Variants in DCLK1 observed in about 807,000 individuals in gnomAD.
The protein encoded by DCLK1 is serine/threonine-protein kinase DCLK1.
In DCLK1, 16 loss-of-function variants were observed where a neutral mutation model predicts 86.2. The ratio of observed to expected loss-of-function variants is 0.19; its 90% CI spans 0.13 to 0.28. DCLK1 has a LOEUF of 0.28. Ranked by LOEUF, DCLK1 falls within the 10% of genes least tolerant of loss-of-function variation. The pLI, the probability that DCLK1 is intolerant of heterozygous loss-of-function variation, is 1.00. For missense variants in DCLK1, 590 were observed against 940.2 expected, an observed-to-expected ratio of 0.63 and a Z score of 4.87; for synonymous variants, 369 against 370.5, an observed-to-expected ratio of 1.00 and a Z score of 0.05.
chr13:35,811,239 G>A (rs1255687244), intron 11 of DCLK1, among the ~76,000 whole-genome samples: 1 of 151,770 alleles, frequency 6.6e-6, no homozygotes, highest in South Asian at 2.1e-4. Flanking sequence ...TTAAAATGGC[G>A]ATACAGGTTT....
At chr13:36,070,391 T>C (rs1883927442) in intron 3 of DCLK1, among the ~76,000 whole-genome samples, 1 of 152,188 alleles carries the variant, frequency 6.6e-6, no homozygotes, top group South Asian at 2.1e-4. Context: ...ACTTCGCTAT[T>C]CTACCTCTGT....
chr13:35,911,415 C>A (rs745956217), intron 4 of DCLK1, among the ~76,000 whole-genome samples: 1 of 152,136 alleles, frequency 6.6e-6, no homozygotes, highest in Non-Finnish European at 1.5e-5. Flanking sequence ...GTCTGCCCAC[C>A]ACCACAGGAC....
At chr13:35,850,465 G>A in intron 6 of DCLK1, 10 of 1,154,770 alleles carry the variant, frequency 8.7e-6, no homozygotes, top group Non-Finnish European at 1.1e-5. Context: ...GCCAGGCCCT[G>A]TACAAAAATC....
At chr13:35,917,573 G>A (rs1378283827) in intron 4 of DCLK1, among the ~76,000 whole-genome samples, 1 of 152,162 alleles carries the variant, frequency 6.6e-6, no homozygotes, top group African/African-American at 2.4e-5. Context: ...AAAAGAAAAA[G>A]AGAAAGCATG....
At chr13:35,892,058 G>A (rs1054561162) in intron 4 of DCLK1, among the ~76,000 whole-genome samples, 1 of 152,082 alleles carries the variant, frequency 6.6e-6, no homozygotes, top group Non-Finnish European at 1.5e-5. Context: ...TTATCTTGGT[G>A]GGTACCAGCT....
chr13:35,795,060 G>C (rs1000476845), intron 15 of DCLK1, among the ~76,000 whole-genome samples: 2 of 152,314 alleles, frequency 1.3e-5, no homozygotes, highest in South Asian at 4.1e-4. Flanking sequence ...CTGTTACAAG[G>C]CTGCATGGCT....
intron 6 of DCLK1, among the ~76,000 whole-genome samples, chr13:35,841,910 C>T (rs1869824072): frequency 6.6e-6 from 1 of 152,070 alleles, no homozygotes; most frequent in Middle Eastern, 3.4e-3. Context: ...CCTATTCTGC[C>T]CCACTTCCAT....
At chr13:36,014,076 TGC>T in intron 3 of DCLK1, among the ~76,000 whole-genome samples, 1 of 152,272 alleles carries the variant, frequency 6.6e-6, no homozygotes, top group Non-Finnish European at 1.5e-5. Flanking sequence ...TCGCGCACGG[TGC>T]GCGCACCCAC....
intron 3 of DCLK1, among the ~76,000 whole-genome samples, chr13:35,999,271 T>A (rs1056723577): frequency 9.2e-5 from 14 of 151,502 alleles, no homozygotes; most frequent in Admixed American, 8.6e-4. Context: ...AAAAAAAAAA[T>A]TCCCAAATAA....
At chr13:35,966,609 A>C (rs1303211009) in intron 3 of DCLK1, among the ~76,000 whole-genome samples, 2 of 149,460 alleles carry the variant, frequency 1.3e-5, no homozygotes, top group African/African-American at 4.9e-5. Context: ...TCCCTGCCTG[A>C]TTCTCCTGCC....
chr13:35,975,552 C>G (rs972410435), intron 3 of DCLK1, among the ~76,000 whole-genome samples: 1 of 151,960 alleles, frequency 6.6e-6, no homozygotes, highest in African/African-American at 2.4e-5. Flanking sequence ...CACCCCACCC[C>G]CACCCCACTT....
chr13:35,865,790 C>T (rs1871746038), intron 5 of DCLK1, among the ~76,000 whole-genome samples: 1 of 152,176 alleles, frequency 6.6e-6, no homozygotes, highest in Admixed American at 6.5e-5. Flanking sequence ...GGAAGACTTA[C>T]AGAGGATTCC....
intron 3 of DCLK1, among the ~76,000 whole-genome samples, chr13:36,036,809 C>T (rs2153154348): frequency 6.6e-6 from 1 of 152,176 alleles, no homozygotes; most frequent in Non-Finnish European, 1.5e-5. Context: ...ACAGCATTAT[C>T]TCTATCCTTA....
Position 35,772,651 on chromosome 13 carries a change from C to T in DCLK1, c.*1884G>A, listed in dbSNP as rs1236264507. ...TACTTTGTGATTTTGCGTGTTATCA[C>T]TTCCGGATGCTCTAAAAGGGGGGGA... is the stretch of plus-strand genomic sequence containing the variant. On this transcript the variant is annotated 3_prime_UTR_variant, in exon 17 of 17. Coordinates refer to ENST00000360631, the MANE Select transcript of DCLK1 (RefSeq NM_001330071.2). 1 of 147,914 alleles carries T rather than the reference C, an allele frequency of 6.8e-6. No homozygotes were observed. Among genetic ancestry groups the T allele is most frequent in the Non-Finnish European group, 1.5e-5 (1 of 67,390 alleles). 9.2% of individuals were successfully genotyped at this position (147,914 alleles called of 1,614,324 possible).
At position 35,947,342 on chromosome 13, in the gene DCLK1, C is replaced by G. The variant is rs770370995; in HGVS notation, c.823+16G>C. 6.4e-7 allele frequency: 1 copy of G among 1,552,864 alleles called. No individual in the cohort carries two copies. Among genetic ancestry groups the G allele is most frequent in the South Asian group, 1.1e-5 (1 of 87,298 alleles). ...GCCTCAAATTTCCCCTGGTTTTGAA[C>G]TTTTTTTTTCCTTACCACTTTCATC... On this transcript the variant is annotated intron_variant, in intron 4 of 16. Coordinates refer to ENST00000360631, the MANE Select transcript of DCLK1 (RefSeq NM_001330071.2).
intron 5 of DCLK1, among the ~76,000 whole-genome samples, chr13:35,863,725 CA>C (rs1234330355): frequency 6.6e-6 from 1 of 152,166 alleles, no homozygotes; most frequent in Non-Finnish European, 1.5e-5. Flanking sequence ...AGACTGAACT[CA>C]AAATTAATAG....
At chr13:35,923,866 G>C (rs1875948018) in intron 4 of DCLK1, among the ~76,000 whole-genome samples, 1 of 152,094 alleles carries the variant, frequency 6.6e-6, no homozygotes, top group Admixed American at 6.6e-5. Flanking sequence ...AATAAATTCA[G>C]GGAATTTTGA....
intron 2 of DCLK1, among the ~76,000 whole-genome samples, chr13:36,120,070 C>G (rs1157035476): frequency 6.6e-6 from 1 of 152,066 alleles, no homozygotes; most frequent in African/African-American, 2.4e-5. Context: ...GAATCCCTGT[C>G]TCACATATTA....
At chr13:35,958,196 C>CACT (rs1313516194) in intron 3 of DCLK1, among the ~76,000 whole-genome samples, 1 of 103,064 alleles carries the variant, frequency 9.7e-6, no homozygotes, top group African/African-American at 7.9e-5. Flanking sequence ...CCACTACCAC[C>CACT]ACCACCATTA....
Sources: allele counts gnomAD v4.1 joint callset (sites outside exome capture counted in the v4.1 genomes callset), GRCh38; gene constraint gnomAD v4.1.1; transcripts MANE v1.5; gene names NCBI Gene and HGNC (gene_info 2026-07-23, HGNC 2026-07-21).